OR5AU1: variants seen among roughly 807,000 people sequenced by gnomAD.
OR5AU1 encodes the protein olfactory receptor 5AU1.
For missense variants in OR5AU1, 415 were observed against 374.2 expected (o/e 1.11, Z -0.90); for synonymous variants, 169 against 152.0 (o/e 1.11, Z -0.82).
chr14:21,155,320 G>A lies in OR5AU1; in HGVS notation c.553C>T (p.Leu185=), dbSNP rs373650504. The change falls in exon 1 of 1, where the codon CTG becomes TTG. Residue 185 remains leucine, a synonymous_variant. Transcript: ENST00000304418. ...THFFCDGPPI[L]SLSCVDTSLC... is the part of the protein sequence containing the mutation. ...GAGGTGTCTACACAAGACAAGGACA[G>A]GATGGGTGGCCCATCACAGAAGAAG... 1.9e-5 allele frequency: 31 copies of A among 1,613,640 alleles called. No homozygotes were observed. In the South Asian group the frequency reaches 2.1e-4, roughly 11 times the overall value.
At position 21,155,316 on chromosome 14, in the gene OR5AU1, G is replaced by A. The variant is rs911473946; in HGVS notation, c.557C>T (p.Ser186Phe). The change falls in exon 1 of 1, where the codon TCC (serine) becomes TTC (phenylalanine). Residue 186 changes from serine to phenylalanine, a missense_variant. Transcript: ENST00000304418. The part of the protein sequence containing the change: ...HFFCDGPPIL[S>F]LSCVDTSLCE... ...CAGTGAGGTGTCTACACAAGACAAG[G>A]ACAGGATGGGTGGCCCATCACAGAA... is the stretch of plus-strand genomic sequence containing the variant. The A allele has an allele frequency of 6.2e-7, 1 of 1,613,918 alleles. No individual in the cohort carries two copies.
In OR5AU1 at chr14:21,155,561, A is replaced by G. The variant is rs77207867; in HGVS notation, c.312T>C (p.Tyr104=). 1.5e-4 allele frequency: 241 copies of G among 1,614,222 alleles called. 1 individual carries two copies. The East Asian group carries it at 5.0e-3, about 33-fold the overall frequency. ...YFGCMTQMFF[Y]AGFATSECYL... ...AGCACTCACTGGTGGCAAAACCCGC[A>G]TAGAAGAACATCTGAGTCATGCAGC... The change falls in exon 1 of 1, where the codon TAT becomes TAC. Residue 104 remains tyrosine (Y), a synonymous_variant. Coordinates refer to ENST00000304418, the MANE Select transcript of OR5AU1 (RefSeq NM_001004731.3).
At position 21,155,527 on chromosome 14, in the gene OR5AU1, C is replaced by T. The variant is rs370674940; in HGVS notation, c.346G>A (p.Ala116Thr). 4.0e-5 allele frequency: 64 copies of T among 1,613,976 alleles called. No individual in the cohort carries two copies. The highest frequency in any genetic ancestry group is 5.0e-5 in the Non-Finnish European group (59 of 1,180,024). Residue 116 changes from alanine to threonine, a missense_variant, in exon 1 of 1, where the codon GCT becomes ACT. Ala to Thr is a moderately conservative substitution (Grantham distance 58, BLOSUM62 0). Coordinates refer to ENST00000304418, the MANE Select transcript of OR5AU1 (RefSeq NM_001004731.3). ...GCATAGCGGTCATAGGCCATGGCAGCGATGAGATAGCACTCACTGGTGGCA... is the reference window on the plus strand; with the variant it reads ...GCATAGCGGTCATAGGCCATGGCAGTGATGAGATAGCACTCACTGGTGGCA... ...GFATSECYLIAAMAYDRYAAI... is the reference protein window; with the variant it reads ...GFATSECYLITAMAYDRYAAI...
rs1046578602 is a variant in OR5AU1, at chr14:21,154,903, A to G, written c.*34T>C. On this transcript the variant is annotated 3_prime_UTR_variant, in exon 1 of 1. Transcript: ENST00000304418. ...ACCACCTAAGGTAAAAGTTCCCTTGACTTTCTAAAGATATGTGGTAATGCA... is the reference window on the plus strand; with the variant it reads ...ACCACCTAAGGTAAAAGTTCCCTTGGCTTTCTAAAGATATGTGGTAATGCA... 12 of 1,575,512 alleles carry G rather than the reference A, an allele frequency of 7.6e-6. No homozygotes were observed. Among genetic ancestry groups the G allele is most frequent in the Non-Finnish European group, 1.0e-5 (12 of 1,156,782 alleles).
In OR5AU1 at chr14:21,155,694, T is replaced by C. The variant is rs1304739044; in HGVS notation, c.179A>G (p.Tyr60Cys). 3.7e-6 allele frequency: 6 copies of C among 1,614,048 alleles called. No homozygotes were observed. The highest frequency in any genetic ancestry group is 5.1e-6 in the Non-Finnish European group (6 of 1,179,980). ...GAAGGAGAGGCTCTTCAGGAGGGAG[T>C]ACATGGGTGTGTGCAGGGTGGCACT... ...HVSATLHTPMYSLLKSLSFLD... is the reference protein window; with the variant it reads ...HVSATLHTPMCSLLKSLSFLD... The change falls in exon 1 of 1, where the codon TAC becomes TGC. Residue 60 changes from tyrosine (Y) to cysteine (C), a missense_variant. Coordinates refer to ENST00000304418, the MANE Select transcript of OR5AU1 (RefSeq NM_001004731.3).
In OR5AU1 at chr14:21,155,262, C is replaced by G. The variant is rs369592712; in HGVS notation, c.611G>C (p.Gly204Ala). 135 of 1,613,866 alleles carry G rather than the reference C, an allele frequency of 8.4e-5. No homozygotes were observed. The highest frequency in any genetic ancestry group is 1.1e-4 in the Non-Finnish European group (131 of 1,179,956). Reference sequence around the variant, plus strand: ...GAGGGTGCAGCTCAAAAGGTTGAAACCAGCAAAAATGAAGAGCAGGATCTC... The same window carrying G: ...GAGGGTGCAGCTCAAAAGGTTGAAAGCAGCAAAAATGAAGAGCAGGATCTC... Reference protein sequence around the residue: ...LCEILLFIFAGFNLLSCTLTI... With the variant: ...LCEILLFIFAAFNLLSCTLTI... Residue 204 changes from glycine to alanine, a missense_variant, in exon 1 of 1, where the codon GGT becomes GCT. By Grantham distance (60) the Gly-to-Ala change is moderately conservative. Coordinates refer to ENST00000304418, the MANE Select transcript of OR5AU1 (RefSeq NM_001004731.3).
chr14:21,155,433 C>A lies in OR5AU1; in HGVS notation c.440G>T (p.Gly147Val). Residue 147 changes from glycine (G) to valine (V), a missense_variant, in exon 1 of 1, where the codon GGC (glycine) becomes GTC (valine). Gly to Val is a moderately radical substitution (Grantham distance 109). Transcript: ENST00000304418. ...ATTGAGGAATCCTGCACTGTAGGAG[C>A]CCACAATCAGCGAGGCACAGACCTC... ...SPEVCASLIV[G>V]SYSAGFLNSL... is the part of the protein sequence containing the mutation. 6.2e-7 allele frequency: 1 copy of A among 1,614,054 alleles called. No homozygotes were observed. Among genetic ancestry groups the A allele is most frequent in the Non-Finnish European group, 8.5e-7 (1 of 1,179,986 alleles).
rs45462402 is a variant in OR5AU1, at chr14:21,155,330, C to T, written c.543G>A (p.Gly181=). Residue 181 remains glycine, a synonymous_variant, in exon 1 of 1, where the codon GGG becomes GGA. Transcript: ENST00000304418. Reference sequence around the variant, plus strand: ...CACAAGACAAGGACAGGATGGGTGGCCCATCACAGAAGAAGTGAGTGACGA... The same window carrying T: ...CACAAGACAAGGACAGGATGGGTGGTCCATCACAGAAGAAGTGAGTGACGA... ...AHVVTHFFCD[G]PPILSLSCVD... is the part of the protein sequence containing the mutation. 0.24 allele frequency: 390,074 copies of T among 1,613,112 alleles called. 64,879 individuals are homozygous for T. The highest frequency in any genetic ancestry group is 0.71 in the East Asian group (31,755 of 44,848).
Position 21,155,629 on chromosome 14 carries a change from G to A in OR5AU1, c.244C>T (p.Leu82=), listed in dbSNP as rs1890564745. 1 of 1,614,074 alleles carries A rather than the reference G, an allele frequency of 6.2e-7. No individual in the cohort carries two copies. Among genetic ancestry groups the A allele is most frequent in the Non-Finnish European group, 8.5e-7 (1 of 1,180,036 alleles). Residue 82 remains leucine (L), a synonymous_variant, in exon 1 of 1, where the codon CTG becomes TTG. Transcript: ENST00000304418. ...TTCCTCTTGGCCAAGAAGTTCACCA[G>A]GGTCTGGGGCACAACCGTGGAGGAG... is the stretch of plus-strand genomic sequence containing the variant. The part of the protein sequence containing the change: ...CYSSTVVPQT[L]VNFLAKRKVI...
At position 21,155,585 on chromosome 14, in the gene OR5AU1, G is replaced by A. The variant is rs374086217; in HGVS notation, c.288C>T (p.Gly96=). The A allele has an allele frequency of 2.3e-5, 37 of 1,614,072 alleles. No homozygotes were observed. The highest frequency in any genetic ancestry group is 3.1e-5 in the Non-Finnish European group (36 of 1,180,042). The change falls in exon 1 of 1, where the codon GGC becomes GGT. Residue 96 remains glycine, a synonymous_variant. Coordinates refer to ENST00000304418, the MANE Select transcript of OR5AU1 (RefSeq NM_001004731.3). ...CATAGAAGAACATCTGAGTCATGCA[G>A]CCAAAATAAGAGATCACTTTCCTCT... is the stretch of plus-strand genomic sequence containing the variant. ...LAKRKVISYF[G]CMTQMFFYAG...
In OR5AU1 at chr14:21,156,052, T is replaced by C. The variant is rs201574329; in HGVS notation, c.-180A>G. 1.9e-6 allele frequency: 3 copies of C among 1,587,818 alleles called. No individual in the cohort carries two copies. The highest frequency in any genetic ancestry group is 2.6e-6 in the Non-Finnish European group (3 of 1,164,424). On this transcript the variant is annotated 5_prime_UTR_variant, in exon 1 of 1. Transcript: ENST00000304418. ...GAGAGGATCTTTTCTCCTTGGTTGG[T>C]TGGTTAGTTGGTAAGCATTACTTAA...
chr14:21,155,935 G>C lies in OR5AU1; in HGVS notation c.-63C>G, dbSNP rs1196047978. ...ACCATAAATGAGGTTGAACACCTGG[G>C]GCTCTGACTGGGTTTAATTCTGCCT... On this transcript the variant is annotated 5_prime_UTR_variant, in exon 1 of 1. Coordinates refer to ENST00000304418, the MANE Select transcript of OR5AU1 (RefSeq NM_001004731.3). 1.2e-6 allele frequency: 2 copies of C among 1,614,142 alleles called. No individual in the cohort carries two copies. Among genetic ancestry groups the C allele is most frequent in the Non-Finnish European group, 1.7e-6 (2 of 1,180,026 alleles).
At position 21,155,221 on chromosome 14, in the gene OR5AU1, A is replaced by G. The variant is rs1193141192; in HGVS notation, c.652T>C (p.Tyr218His). The G allele has an allele frequency of 6.2e-7, 1 of 1,614,128 alleles. No homozygotes were observed. Among genetic ancestry groups the G allele is most frequent in the Non-Finnish European group, 8.5e-7 (1 of 1,180,002 alleles). The part of the protein sequence containing the change: ...LSCTLTILIS[Y>H]FLILNTILKM... Reference sequence around the variant, plus strand: ...AGGATGGTGTTGAGAATTAAGAAGTAGGAGATCAAGATGGTGAGGGTGCAG... The same window carrying G: ...AGGATGGTGTTGAGAATTAAGAAGTGGGAGATCAAGATGGTGAGGGTGCAG... Residue 218 changes from tyrosine to histidine, a missense_variant, in exon 1 of 1, where the codon TAC (tyrosine) becomes CAC (histidine). By Grantham distance (83) the Tyr-to-His change is moderately conservative. Coordinates refer to ENST00000304418, the MANE Select transcript of OR5AU1 (RefSeq NM_001004731.3).
rs1684530949 is a variant in OR5AU1 at position 21,155,180 on chromosome 14, G to A, written c.693C>T (p.Ala231=). The change falls in exon 1 of 1, where the codon GCC becomes GCT. Residue 231 remains alanine (A), a synonymous_variant. Coordinates refer to ENST00000304418, the MANE Select transcript of OR5AU1 (RefSeq NM_001004731.3). ...TGGAAAATGCCTTAAACCTGCCCTG[G>A]GCCGAGCTCATTTTCAGGATGGTGT... ...ILNTILKMSS[A]QGRFKAFSTC... 6.2e-7 allele frequency: 1 copy of A among 1,614,080 alleles called. No homozygotes were observed. The highest frequency in any genetic ancestry group is 1.3e-5 in the African/African-American group (1 of 75,034).
chr14:21,156,043 C>T lies in OR5AU1; in HGVS notation c.-171G>A. ...TCTGTCATAGAGAGGATCTTTTCTC[C>T]TTGGTTGGTTGGTTAGTTGGTAAGC... On this transcript the variant is annotated 5_prime_UTR_variant, in exon 1 of 1. Transcript: ENST00000304418. The T allele has an allele frequency of 1.3e-6, 2 of 1,594,008 alleles. No individual in the cohort carries two copies. Among genetic ancestry groups the T allele is most frequent in the Non-Finnish European group, 1.7e-6 (2 of 1,167,204 alleles).
At position 21,155,735 on chromosome 14, in the gene OR5AU1, G is replaced by C; in HGVS notation, c.138C>G (p.Phe46Leu). Residue 46 changes from phenylalanine to leucine, a missense_variant, in exon 1 of 1, where the codon TTC becomes TTG. Physicochemically the swap from Phe to Leu is conservative, Grantham distance 22. Coordinates refer to ENST00000304418, the MANE Select transcript of OR5AU1 (RefSeq NM_001004731.3). ...GGGTGGCACTCACATGGATCAGGAG[G>C]AACATGACCAGGTTCCCCAGCAGAG... is the stretch of plus-strand genomic sequence containing the variant. ...TATLLGNLVMFLLIHVSATLH... is the reference protein window; with the variant it reads ...TATLLGNLVMLLLIHVSATLH... 4 of 1,614,116 alleles carry C rather than the reference G, an allele frequency of 2.5e-6. No homozygotes were observed. The highest frequency in any genetic ancestry group is 2.5e-6 in the Non-Finnish European group (3 of 1,180,006).
Position 21,155,190 on chromosome 14 carries a change from A to C in OR5AU1, c.683T>G (p.Met228Arg). The change falls in exon 1 of 1, where the codon ATG becomes AGG. Residue 228 changes from methionine to arginine, a missense_variant. Coordinates refer to ENST00000304418, the MANE Select transcript of OR5AU1 (RefSeq NM_001004731.3). ...CTTAAACCTGCCCTGGGCCGAGCTCATTTTCAGGATGGTGTTGAGAATTAA... is the reference window on the plus strand; with the variant it reads ...CTTAAACCTGCCCTGGGCCGAGCTCCTTTTCAGGATGGTGTTGAGAATTAA... Reference protein sequence around the residue: ...YFLILNTILKMSSAQGRFKAF... With the variant: ...YFLILNTILKRSSAQGRFKAF... 3 of 1,614,056 alleles carry C rather than the reference A, an allele frequency of 1.9e-6. No individual in the cohort carries two copies. Among genetic ancestry groups the C allele is most frequent in the South Asian group, 1.1e-5 (1 of 91,082 alleles).
rs943735169 is a variant in OR5AU1 at position 21,155,827 on chromosome 14, C to T, written c.46G>A (p.Gly16Ser). 1.2e-6 allele frequency: 2 copies of T among 1,614,084 alleles called. No individual in the cohort carries two copies. The highest frequency in any genetic ancestry group is 8.5e-7 in the Non-Finnish European group (1 of 1,180,024). Residue 16 changes from glycine to serine, a missense_variant, in exon 1 of 1, where the codon GGC becomes AGC. Coordinates refer to ENST00000304418, the MANE Select transcript of OR5AU1 (RefSeq NM_001004731.3). ...LSQGMEFELL[G>S]LTTDPQLQRL... ...TGGAGCTGGGGGTCAGTGGTGAGGC[C>T]CAAGAGCTCAAACTCCATCCCTTGG...
Position 21,155,849 on chromosome 14 carries a change from T to C in OR5AU1, c.24A>G (p.Gln8=), listed in dbSNP as rs751258580. MKGANLS[Q]GMEFELLGLT... ...GGCCCAAGAGCTCAAACTCCATCCC[T>C]TGGCTCAGGTTTGCCCCTTTCATCC... The change falls in exon 1 of 1, where the codon CAA becomes CAG. Residue 8 remains glutamine, a synonymous_variant. Coordinates refer to ENST00000304418, the MANE Select transcript of OR5AU1 (RefSeq NM_001004731.3). 5 of 1,614,130 alleles carry C rather than the reference T, an allele frequency of 3.1e-6. No individual in the cohort carries two copies. In the Admixed American group the frequency reaches 8.3e-5, roughly 27 times the overall value.
Sources: gnomAD v4.1 joint callset for allele counts on GRCh38, gnomAD v4.1.1 for gene constraint, MANE v1.5 for transcripts, NCBI Gene and HGNC (gene_info 2026-07-23, HGNC 2026-07-21) for gene names.